Variants in SBF2 observed in about 807,000 individuals in gnomAD.
The protein encoded by SBF2 is SET binding factor 2.
SBF2 carries 112 observed loss-of-function variants against 225.2 expected under a neutral mutation model. That is an observed-to-expected ratio of 0.50 (90% CI 0.43 to 0.58). The LOEUF is 0.58. Ranked by LOEUF, SBF2 falls within the 20% of genes least tolerant of loss-of-function variation. The probability of loss-of-function intolerance (pLI) is 0.00; values close to 1 mark genes in which losing one functional copy is unlikely to be tolerated. For synonymous variants in SBF2, 763 were observed against 773.3 expected (o/e 0.99, Z 0.22); for missense variants, 1,996 against 2,206.2 (o/e 0.90, Z 1.91).
At chr11:9,838,945 A>G (rs1031233784) in intron 26 of SBF2, 1 of 162,914 alleles carries the variant, frequency 6.1e-6, no homozygotes, top group African/African-American at 2.4e-5. Flanking sequence ...TCCCTTGAAA[A>G]CATTCCAATT....
In SBF2 at chr11:9,812,635, G is replaced by T. The variant is rs2133904474; in HGVS notation, c.4052C>A (p.Ala1351Asp). Reference protein sequence around the residue: ...VEFHEIRQVKASFKKLMRACI... With the variant: ...VEFHEIRQVKDSFKKLMRACI... ...AGCCCTCATCAGCTTCTTAAAACTG[G>T]CTTTCACTTGCCGGATTTCATGAAA... The change falls in exon 30 of 40, where the codon GCC (alanine) becomes GAC (aspartate). Residue 1351 changes from alanine to aspartate, a missense_variant. Transcript: ENST00000256190. The T allele has an allele frequency of 1.2e-6, 2 of 1,614,172 alleles. No individual in the cohort carries two copies. The highest frequency in any genetic ancestry group is 1.7e-6 in the Non-Finnish European group (2 of 1,180,012).
intron 2 of SBF2, among the ~76,000 whole-genome samples, chr11:10,182,693 A>C (rs999184638): frequency 6.6e-6 from 1 of 152,112 alleles, no homozygotes; most frequent in Non-Finnish European, 1.5e-5. Flanking sequence ...ATGTGGAACT[A>C]CAGGCAAGCA....
chr11:9,827,532 TAA>T (rs36082411), intron 28 of SBF2, among the ~76,000 whole-genome samples: 45,409 of 145,820 alleles, frequency 0.31, 7,851 homozygotes, highest in African/African-American at 0.49. Flanking sequence ...GACTCTGTCT[TAA>T]AAAAAAAAAA....
At chr11:9,794,044 A>T (rs1488633889) in intron 33 of SBF2, among the ~76,000 whole-genome samples, 1 of 152,172 alleles carries the variant, frequency 6.6e-6, no homozygotes, top group African/African-American at 2.4e-5. Flanking sequence ...TTATGTGGGC[A>T]TGGGGGCACA....
chr11:9,869,749 T>C (rs1006175586), intron 17 of SBF2, among the ~76,000 whole-genome samples: 2 of 152,176 alleles, frequency 1.3e-5, no homozygotes, highest in African/African-American at 4.8e-5. Flanking sequence ...AATATTATAC[T>C]GAATAGGCAA....
chr11:10,206,958 C>G (rs1389952398), intron 1 of SBF2, among the ~76,000 whole-genome samples: 1 of 152,030 alleles, frequency 6.6e-6, no homozygotes, highest in Non-Finnish European at 1.5e-5. Flanking sequence ...CTAAAACACT[C>G]CCAAATTTGG....
intron 2 of SBF2, among the ~76,000 whole-genome samples, chr11:10,152,924 T>TG (rs1413573729): frequency 4.6e-5 from 7 of 152,162 alleles, no homozygotes; most frequent in Admixed American, 1.3e-4. Context: ...ATACATTTTC[T>TG]GGGGGAAAAA....
At chr11:9,922,121 C>A (rs1863679737) in intron 16 of SBF2, among the ~76,000 whole-genome samples, 1 of 152,038 alleles carries the variant, frequency 6.6e-6, no homozygotes, top group Non-Finnish European at 1.5e-5. Flanking sequence ...TGGTGCGCAC[C>A]TGCAGTCCTA....
chr11:9,941,450 A>G (rs1269760196), intron 16 of SBF2, among the ~76,000 whole-genome samples: 1 of 152,246 alleles, frequency 6.6e-6, no homozygotes, highest in Non-Finnish European at 1.5e-5. Context: ...TTCAGAGAAG[A>G]GATACAGAGG....
intron 1 of SBF2, among the ~76,000 whole-genome samples, chr11:10,243,614 GAA>G (rs1205133196): frequency 6.6e-6 from 1 of 151,774 alleles, no homozygotes; most frequent in Non-Finnish European, 1.5e-5. Flanking sequence ...AGAAATGGAA[GAA>G]GAGACATTAC....
intron 1 of SBF2, among the ~76,000 whole-genome samples, chr11:10,203,821 A>C (rs1282144691): frequency 6.6e-6 from 1 of 152,070 alleles, no homozygotes; most frequent in African/African-American, 2.4e-5. Context: ...AACTTCCAAA[A>C]TGAAACAGAG....
intron 14 of SBF2, among the ~76,000 whole-genome samples, chr11:9,964,621 C>G (rs533551390): frequency 6.6e-6 from 1 of 152,288 alleles, no homozygotes; most frequent in African/African-American, 2.4e-5. Flanking sequence ...GAGAAACGAT[C>G]ATGATCAATG....
At chr11:10,209,337 C>T (rs1371523798) in intron 1 of SBF2, among the ~76,000 whole-genome samples, 1 of 151,488 alleles carries the variant, frequency 6.6e-6, no homozygotes, top group Admixed American at 6.6e-5. Context: ...TCTCTAACTT[C>T]CTATCTGCAA....
At chr11:10,155,897 G>A (rs533839523) in intron 2 of SBF2, among the ~76,000 whole-genome samples, 7 of 152,220 alleles carry the variant, frequency 4.6e-5, no homozygotes, top group Non-Finnish European at 1.0e-4. Context: ...GGCCAGTTTG[G>A]AGGAGCCCCT....
chr11:10,200,505 G>A (rs1226702529), intron 1 of SBF2, among the ~76,000 whole-genome samples: 1 of 152,038 alleles, frequency 6.6e-6, no homozygotes, highest in Non-Finnish European at 1.5e-5. Context: ...TGATTTACTG[G>A]AGTTACTTTT....
At chr11:10,005,725 G>A (rs148944882) in intron 6 of SBF2, among the ~76,000 whole-genome samples, 1 of 152,256 alleles carries the variant, frequency 6.6e-6, no homozygotes, top group Non-Finnish European at 1.5e-5. Flanking sequence ...TTGGTGCCAC[G>A]TGACTCAAAT....
intron 2 of SBF2, among the ~76,000 whole-genome samples, chr11:10,103,425 T>C (rs138302178): frequency 3.9e-4 from 60 of 152,306 alleles, no homozygotes; most frequent in African/African-American, 1.3e-3. Flanking sequence ...GTGTTATTGG[T>C]ATATGTTGCA....
chr11:9,895,783 C>G (rs1861203444), intron 17 of SBF2, among the ~76,000 whole-genome samples, 160 bp downstream of exon 17: 1 of 152,110 alleles, frequency 6.6e-6, no homozygotes, highest in Non-Finnish European at 1.5e-5. Context: ...ATTAAATTTC[C>G]TACACATAGC....
In SBF2 at chr11:10,130,316, C is replaced by T. The variant is rs574577756; in HGVS notation, c.141+63586G>A. Among the ~76,000 whole-genome samples the T allele has an allele frequency of 3.0e-4, 45 of 151,454 alleles. 1 individual carries two copies. The Middle Eastern group carries it at 0.01, about 35-fold the overall frequency. On this transcript the variant is annotated intron_variant, in intron 2 of 39. Transcript: ENST00000256190. ...GGCGGAGGTTGCAGTGAGCCGAGAT[C>T]GCACCACTGTACTCCAGCCTGGGTG...
Sources: allele counts gnomAD v4.1 joint callset (sites outside exome capture counted in the v4.1 genomes callset), GRCh38; gene constraint gnomAD v4.1.1; transcripts MANE v1.5; gene names NCBI Gene and HGNC (gene_info 2026-07-23, HGNC 2026-07-21).